Variants in GRTP1 observed in about 807,000 individuals in gnomAD.
GRTP1 encodes growth hormone-regulated TBC protein 1.
Under a neutral mutation model 38.1 loss-of-function variants are expected in GRTP1, and 56 were observed. The ratio of observed to expected loss-of-function variants is 1.47; its 90% confidence interval spans 1.19 to 1.84. GRTP1 has a LOEUF of 1.84. GRTP1 is among the 40% of genes most tolerant of loss of function. GRTP1 has a pLI of 0.00. For synonymous variants in GRTP1, 217 were observed against 189.5 expected (o/e 1.14, Z -1.19); for missense variants, 506 against 453.9 (o/e 1.11, Z -1.04).
In GRTP1 at chr13:113,363,747, G is replaced by A; in HGVS notation, c.181+15C>T. ...ACCTGCGCCCTCGGGACCCACCTGC[G>A]CCCCCGGGACCCACCTGTCCGGCTC... On this transcript the variant is annotated intron_variant, in intron 2 of 7. Transcript: ENST00000375431. 6.2e-7 allele frequency: 1 copy of A among 1,601,330 alleles called. No homozygotes were observed. Among genetic ancestry groups the A allele is most frequent in the Non-Finnish European group, 8.5e-7 (1 of 1,174,744 alleles).
rs185535289 is a variant in GRTP1, at chr13:113,342,611, T to C, written c.562+2252A>G. ...ATTAAGAGCAGGATAACAGTGGCAC[T>C]GAAACGACCTAGTTTGGGTAACTAT... On this transcript the variant is annotated intron_variant, in intron 5 of 7. Transcript: ENST00000375431. The surrounding 1 kb of genome is among the most constrained non-coding windows in gnomAD (Gnocchi z 4.5). Among the ~76,000 whole-genome samples, 276 of 147,570 alleles carry C rather than the reference T, an allele frequency of 1.9e-3. No homozygotes were observed. The highest frequency in any genetic ancestry group is 3.4e-3 in the Middle Eastern group (1 of 294).
At chr13:113,328,604 C>G (rs2042810454) in intron 5 of GRTP1, among the ~76,000 whole-genome samples, 1 of 152,238 alleles carries the variant, frequency 6.6e-6, no homozygotes, top group Non-Finnish European at 1.5e-5. Flanking sequence ...ACTGCAGCCT[C>G]AACCTCCTGG....
rs998145349 is a variant in GRTP1 at position 113,355,454 on chromosome 13, G to C, written c.209C>G (p.Pro70Arg). ...CCAGACGCGGGCACGGTGCTCCAGC[G>C]GGACCCCTTTCCGGACATAGCGCTT... Reference protein sequence around the residue: ...TVKRYVRKGVPLEHRARVWMV... With the variant: ...TVKRYVRKGVRLEHRARVWMV... The change falls in exon 3 of 8, where the codon CCG becomes CGG. Residue 70 changes from proline (P) to arginine (R), a missense_variant. By Grantham distance (103) the Pro-to-Arg change is moderately radical (BLOSUM62 -2). Coordinates refer to ENST00000375431, the MANE Select transcript of GRTP1 (RefSeq NM_024719.4). 1.9e-6 allele frequency: 3 copies of C among 1,613,326 alleles called. No individual in the cohort carries two copies. The highest frequency in any genetic ancestry group is 2.5e-6 in the Non-Finnish European group (3 of 1,179,530).
intron 5 of GRTP1, among the ~76,000 whole-genome samples, chr13:113,333,575 G>T (rs1402919469): frequency 6.6e-6 from 1 of 152,058 alleles, no homozygotes; most frequent in Admixed American, 6.6e-5. Flanking sequence ...CGTGATCTCG[G>T]CTCACTGCAA....
At chr13:113,352,362 A>ATATATATTT (rs2043300019) in intron 3 of GRTP1, among the ~76,000 whole-genome samples, 4 of 80,802 alleles carry the variant, frequency 5.0e-5, no homozygotes, top group South Asian at 6.6e-4. Flanking sequence ...TATATATTTT[A>ATATATATTT]TATATATATA....
intron 5 of GRTP1, among the ~76,000 whole-genome samples, chr13:113,327,804 T>TGCAGGTGGCCCCCAACCCC (rs1240794871): frequency 6.6e-6 from 1 of 152,216 alleles, no homozygotes; most frequent in Non-Finnish European, 1.5e-5. Context: ...ACCCTGGTTC[T>TGCAGGTGGCCCCCAACCCC]GCAGGTGGCC....
chr13:113,363,190 C>T (rs371654610), intron 2 of GRTP1, among the ~76,000 whole-genome samples: 3 of 152,160 alleles, frequency 2.0e-5, no homozygotes, highest in Admixed American at 1.3e-4. Context: ...CGCGGAGGAG[C>T]GGCAGGTCGA....
chr13:113,355,295 C>T (rs776659113), intron 3 of GRTP1, 28 bp downstream of exon 3: 1 of 1,610,046 alleles, frequency 6.2e-7, no homozygotes, highest in South Asian at 1.1e-5. Flanking sequence ...CCGGGCCCTG[C>T]ACCAGAGCTC....
intron 7 of GRTP1, 148 bp downstream of exon 7, chr13:113,325,513 G>C (rs1198262946): frequency 6.6e-7 from 1 of 1,504,346 alleles, no homozygotes; most frequent in South Asian, 1.3e-5. Flanking sequence ...GCAGGGGGCA[G>C]ATGCAGGACA....
intron 5 of GRTP1, among the ~76,000 whole-genome samples, chr13:113,338,232 T>A (rs971453397): frequency 6.6e-6 from 1 of 152,134 alleles, no homozygotes; most frequent in South Asian, 2.1e-4. Flanking sequence ...GGATGGTGAT[T>A]GATGGCCATC....
In GRTP1 at chr13:113,361,109, C is replaced by CA. The variant is rs57785391; in HGVS notation, c.181+2652dup. Among the ~76,000 whole-genome samples, 568 of 92,914 alleles carry CA rather than the reference C, an allele frequency of 6.1e-3. 4 individuals carry two copies. Among genetic ancestry groups the CA allele is most frequent in the South Asian group, 0.02 (53 of 2,678 alleles). The allele number at this position is 92,914 out of a possible 152,430, so 61.0% of individuals were successfully genotyped here. On this transcript the variant is annotated intron_variant, in intron 2 of 7. Coordinates refer to ENST00000375431, the MANE Select transcript of GRTP1 (RefSeq NM_024719.4). ...AGGCTGACAGAGCTAGACTTTGACTCAAAAAAAAAAAAAAAAAAAAAATTA... is the reference window on the plus strand; with the variant it reads ...AGGCTGACAGAGCTAGACTTTGACTCAAAAAAAAAAAAAAAAAAAAAAATTA...
rs1180528986 is a variant in GRTP1, at chr13:113,349,369, T to C, written c.465+1480A>G. Among the ~76,000 whole-genome samples, 1 of 151,290 alleles carries C rather than the reference T, an allele frequency of 6.6e-6. No individual in the cohort carries two copies. Among genetic ancestry groups the C allele is most frequent in the Non-Finnish European group, 1.5e-5 (1 of 67,858 alleles). On this transcript the variant is annotated intron_variant, in intron 4 of 7. Transcript: ENST00000375431. The surrounding 1 kb of genome is among the most constrained non-coding windows in gnomAD (Gnocchi z 5.0). ...ACACCCCGCTAATTTTTAAAAATAT[T>C]TTGTAGAGATGGAGTCTTGCCACCT...
intron 3 of GRTP1, among the ~76,000 whole-genome samples, chr13:113,352,322 A>ATTTTTATATATT (rs2043293027): frequency 1.7e-5 from 1 of 59,568 alleles, no homozygotes; most frequent in African/African-American, 6.7e-5. Flanking sequence ...TTTTATATAT[A>ATTTTTATATATT]TTTTTATATA....
At chr13:113,346,531 CGGG>C (rs2043139882) in intron 4 of GRTP1, among the ~76,000 whole-genome samples, 1 of 15,108 alleles carries the variant, frequency 6.6e-5, no homozygotes, top group African/African-American at 7.3e-5. Flanking sequence ...AGAGCAGACC[CGGG>C]AGGACCTCTG....
intron 5 of GRTP1, among the ~76,000 whole-genome samples, chr13:113,333,655 C>T (rs2042907618): frequency 6.6e-6 from 1 of 151,790 alleles, no homozygotes; most frequent in South Asian, 2.1e-4. Flanking sequence ...CAGGTGTGCA[C>T]CACCACGCCC....
chr13:113,349,988 C>T lies in GRTP1; in HGVS notation c.465+861G>A, dbSNP rs778602697. On this transcript the variant is annotated intron_variant, in intron 4 of 7. Transcript: ENST00000375431. This position sits in a 1 kb window ranked among gnomAD's most constrained non-coding sequence, Gnocchi z 5.0. Reference sequence around the variant, plus strand: ...CACATGGCCTAAAATGCCAGGAACGCACTCTCCAATCCCGGTGGCAGCCGT... The same window carrying T: ...CACATGGCCTAAAATGCCAGGAACGTACTCTCCAATCCCGGTGGCAGCCGT... 7.9e-5 allele frequency among the ~76,000 whole-genome samples: 12 copies of T among 152,164 alleles called. No individual in the cohort carries two copies. The highest frequency in any genetic ancestry group is 1.8e-4 in the Non-Finnish European group (12 of 68,018).
In GRTP1 at chr13:113,355,381, G is replaced by A. The variant is rs2043365556; in HGVS notation, c.282C>T (p.Tyr94=). Reference sequence around the variant, plus strand: ...TCTCTCCCTGGAGAAGCTGGTGGTAGTAGCCGGGATTCTGGTCCATCTGCG... The same window carrying A: ...TCTCTCCCTGGAGAAGCTGGTGGTAATAGCCGGGATTCTGGTCCATCTGCG... ...AQAQMDQNPG[Y]YHQLLQGERN... Residue 94 remains tyrosine, a synonymous_variant, in exon 3 of 8, where the codon TAC becomes TAT. Transcript: ENST00000375431. 6.2e-7 allele frequency: 1 copy of A among 1,614,008 alleles called. No individual in the cohort carries two copies. Among genetic ancestry groups the A allele is most frequent in the Non-Finnish European group, 8.5e-7 (1 of 1,180,028 alleles).
chr13:113,343,951 C>T lies in GRTP1; in HGVS notation c.562+912G>A, dbSNP rs940108764. ...CAAGTGACTTGAGCCTGCAGCTCAT[C>T]GTCTGCACTGGCCTTCACCATAACC... is the stretch of plus-strand genomic sequence containing the variant. On this transcript the variant is annotated intron_variant, in intron 5 of 7. Transcript: ENST00000375431. This position sits in a 1 kb window ranked among gnomAD's most constrained non-coding sequence, Gnocchi z 4.8. Among the ~76,000 whole-genome samples the T allele has an allele frequency of 3.9e-5, 6 of 152,164 alleles. No homozygotes were observed. The highest frequency in any genetic ancestry group is 1.3e-4 in the Admixed American group (2 of 15,270).
At position 113,355,380 on chromosome 13, in the gene GRTP1, AG is replaced by A. The variant is rs746700343; in HGVS notation, c.282del (p.Tyr95ThrfsTer21). On this transcript the variant is annotated frameshift_variant, in exon 3 of 8. Transcript: ENST00000375431. LOFTEE classifies it high-confidence loss of function. Reference sequence around the variant, plus strand: ...CTCTCTCCCTGGAGAAGCTGGTGGTAGTAGCCGGGATTCTGGTCCATCTGCG... The same window carrying A: ...CTCTCTCCCTGGAGAAGCTGGTGGTATAGCCGGGATTCTGGTCCATCTGCG... Reference protein sequence around the residue: ...AQAQMDQNPGYYHQLLQGERN... With the variant: ...AQAQMDQNPGXYHQLLQGERN... 6 of 1,613,994 alleles carry A rather than the reference AG, an allele frequency of 3.7e-6. No individual in the cohort carries two copies. The African/African-American group carries it at 8.0e-5, about 22-fold the overall frequency.
Sources: gnomAD v4.1 joint callset for allele counts (sites outside exome capture counted in the v4.1 genomes callset) on GRCh38, gnomAD v4.1.1 for gene constraint, Gnocchi (gnomAD v3.1) non-coding constraint, MANE v1.5 for transcripts, NCBI Gene and HGNC (gene_info 2026-07-23, HGNC 2026-07-21) for gene names.